Variants in TMLHE observed in about 807,000 individuals in gnomAD.
TMLHE encodes the protein trimethyllysine dioxygenase, mitochondrial.
In TMLHE, 18 loss-of-function variants were observed where a neutral mutation model predicts 25.7. That is an observed-to-expected ratio of 0.70 (90% confidence interval 0.48 to 1.04). The LOEUF (loss-of-function observed/expected upper bound fraction) is 1.04, where lower values mean the gene tolerates loss of function less well. Among genes scored for constraint, TMLHE ranks in the 50% least tolerant of loss-of-function variants. The probability of loss-of-function intolerance (pLI) is 0.00; values close to 1 mark genes in which losing one functional copy is unlikely to be tolerated. For synonymous variants in TMLHE, 105 were observed against 97.0 expected (o/e 1.08, Z -0.49); for missense variants, 236 against 259.0 (o/e 0.91, Z 0.61).
intron 1 of TMLHE, among the ~76,000 whole-genome samples, chrX:155,562,982 T>A (rs2067501799): frequency 1.6e-5 from 1 of 62,344 alleles, no homozygotes; most frequent in African/African-American, 3.6e-5. Context: ...GTCAAAACCC[T>A]TCAACAAGTC....
intron 6 of TMLHE, among the ~76,000 whole-genome samples, chrX:155,505,440 C>G (rs1240757786): frequency 9.0e-6 from 1 of 111,143 alleles, no homozygotes; most frequent in Non-Finnish European, 1.9e-5. Context: ...GTAAGGATAA[C>G]AATTTATTTT....
chrX:155,599,734 G>A (rs1386268305), intron 1 of TMLHE, among the ~76,000 whole-genome samples: 4 of 111,083 alleles, frequency 3.6e-5, no homozygotes, highest in Non-Finnish European at 7.5e-5. Context: ...TGAGTTTGAC[G>A]TTTTTTATCT....
chrX:155,577,216 A>G (rs1278522417), intron 1 of TMLHE, among the ~76,000 whole-genome samples: 2 of 112,278 alleles, frequency 1.8e-5, no homozygotes, highest in Non-Finnish European at 3.8e-5. Flanking sequence ...ATACTTTTCA[A>G]AAGAAGACAT....
rs1166453803 is a variant in TMLHE at position 155,569,040 on chromosome X, C to T, written c.-1-23763G>A. On this transcript the variant is annotated intron_variant, in intron 1 of 7. Coordinates refer to ENST00000334398, the MANE Select transcript of TMLHE (RefSeq NM_018196.4). ...CTTCAGATGATCAAACTACTCTGAG[C>T]TACAGGAGGAAATTCAAACCAAAGG... Among the ~76,000 whole-genome samples the T allele has an allele frequency of 1.2e-4, 7 of 58,659 alleles. 1 individual carries two copies. The highest frequency in any genetic ancestry group is 9.9e-4 in the South Asian group (1 of 1,006). 50.9% of individuals were successfully genotyped at this position (58,659 alleles called of 115,157 possible).
intron 1 of TMLHE, among the ~76,000 whole-genome samples, chrX:155,586,713 GATC>G (rs2067667266): frequency 9.0e-6 from 1 of 111,694 alleles, no homozygotes; most frequent in Admixed American, 9.5e-5. Flanking sequence ...AAATACAAAA[GATC>G]ATCAGAGACT....
At chrX:155,588,888 T>C (rs1440320505) in intron 1 of TMLHE, among the ~76,000 whole-genome samples, 9 of 111,620 alleles carry the variant, frequency 8.1e-5, no homozygotes, top group African/African-American at 1.6e-4. Flanking sequence ...TGGTGGAATG[T>C]AAATTAGCAC....
intron 1 of TMLHE, among the ~76,000 whole-genome samples, chrX:155,560,627 TAG>T (rs2067491189): frequency 1.9e-5 from 1 of 53,900 alleles, no homozygotes; most frequent in African/African-American, 3.9e-5. Context: ...GCAGAGGGGA[TAG>T]CCAATGCAAA....
rs190808648 is a variant in TMLHE, at chrX:155,609,614, G to A, written c.-2+3178C>T. Among the ~76,000 whole-genome samples the A allele has an allele frequency of 1.9e-4, 21 of 111,839 alleles. No individual in the cohort carries two copies. The East Asian group carries it at 5.9e-3, about 31-fold the overall frequency. ...AAATGAAAAGACAAACCACAGACTT[G>A]GAGAAAATATTTTCAAACTACATAT... is the stretch of plus-strand genomic sequence containing the variant. On this transcript the variant is annotated intron_variant, in intron 1 of 7. Coordinates refer to ENST00000334398, the MANE Select transcript of TMLHE (RefSeq NM_018196.4).
At chrX:155,547,004 GA>G (rs1163709767) in intron 1 of TMLHE, among the ~76,000 whole-genome samples, 1 of 110,324 alleles carries the variant, frequency 9.1e-6, no homozygotes, top group Non-Finnish European at 1.9e-5. Flanking sequence ...GATCTTCAAA[GA>G]AAAAAAATTT....
intron 1 of TMLHE, among the ~76,000 whole-genome samples, chrX:155,570,017 T>C (rs1309496180): frequency 1.8e-5 from 1 of 55,160 alleles, no homozygotes; most frequent in Non-Finnish European, 4.7e-5. Flanking sequence ...GACTAAATGC[T>C]CCAATTAAAA....
intron 1 of TMLHE, among the ~76,000 whole-genome samples, chrX:155,586,264 G>A (rs782768345): frequency 9.3e-6 from 1 of 108,082 alleles, no homozygotes; most frequent in Admixed American, 9.9e-5. Flanking sequence ...TAAACAAAAA[G>A]CTCCTAGATG....
chrX:155,522,112 C>T (rs1480272267), intron 3 of TMLHE, among the ~76,000 whole-genome samples: 1 of 112,626 alleles, frequency 8.9e-6, no homozygotes, highest in Non-Finnish European at 1.9e-5. Flanking sequence ...ATTTAGTCTT[C>T]GGCATACATT....
In TMLHE at chrX:155,580,824, G is replaced by A. The variant is rs145016732; in HGVS notation, c.-2+31968C>T. Among the ~76,000 whole-genome samples the A allele has an allele frequency of 4.4e-3, 492 of 111,639 alleles. 2 individuals carry two copies. The highest frequency in any genetic ancestry group is 0.016 in the African/African-American group (481 of 30,699). On this transcript the variant is annotated intron_variant, in intron 1 of 7. Transcript: ENST00000334398. ...AGGAATCCTCCCTAACTCATTTTAT[G>A]AGGCAAGCATCATCCTGATACCAAA...
At chrX:155,506,843 G>T in intron 6 of TMLHE, 55 bp downstream of exon 6, 1 of 1,030,295 alleles carries the variant, frequency 9.7e-7, no homozygotes, top group Non-Finnish European at 1.4e-6. Context: ...TGTTACATTA[G>T]AAGGCTAATC....
chrX:155,574,483 C>G (rs2067577881), intron 1 of TMLHE, among the ~76,000 whole-genome samples: 1 of 111,870 alleles, frequency 8.9e-6, no homozygotes, highest in South Asian at 3.6e-4. Context: ...AATCTCTGAC[C>G]AACCATTAAC....
At chrX:155,513,857 C>G (rs2067134284) in intron 4 of TMLHE, 129 bp downstream of exon 4, 2 of 635,358 alleles carry the variant, frequency 3.1e-6, no homozygotes, top group South Asian at 6.1e-5. Flanking sequence ...AAGTGAGAGT[C>G]CCTTATTCAT....
At chrX:155,589,103 AT>A (rs1354275926) in intron 1 of TMLHE, among the ~76,000 whole-genome samples, 1 of 112,107 alleles carries the variant, frequency 8.9e-6, no homozygotes, top group Non-Finnish European at 1.9e-5. Context: ...TGAAGAATAG[AT>A]AAAGAAAAAT....
rs1044243174 is a variant in TMLHE at position 155,548,470 on chromosome X, T to C, written c.-1-3193A>G. On this transcript the variant is annotated intron_variant, in intron 1 of 7. Coordinates refer to ENST00000334398, the MANE Select transcript of TMLHE (RefSeq NM_018196.4). ...CATCCTACAGGCTGGGCACGGTGGCTCATGCCTGAAATCCCAGCACTTTGG... is the reference window on the plus strand; with the variant it reads ...CATCCTACAGGCTGGGCACGGTGGCCCATGCCTGAAATCCCAGCACTTTGG... Among the ~76,000 whole-genome samples the C allele has an allele frequency of 2.2e-4, 24 of 108,880 alleles. 1 individual carries two copies. The highest frequency in any genetic ancestry group is 4.6e-3 in the Middle Eastern group (1 of 216). The allele number at this position is 108,880 out of a possible 115,157, so 94.5% of individuals were successfully genotyped here.
chrX:155,529,906 T>A (rs2124381440), intron 2 of TMLHE, among the ~76,000 whole-genome samples: 1 of 112,023 alleles, frequency 8.9e-6, no homozygotes, highest in Non-Finnish European at 1.9e-5. Flanking sequence ...TGGTGTGATA[T>A]CCAAAAAAAT....
Sources: gnomAD v4.1 joint callset for allele counts (sites outside exome capture counted in the v4.1 genomes callset) on GRCh38, gnomAD v4.1.1 for gene constraint, MANE v1.5 for transcripts, NCBI Gene and HGNC (gene_info 2026-07-23, HGNC 2026-07-21) for gene names.